Variants in TACC1 observed in about 807,000 individuals in gnomAD.
TACC1 encodes transforming acidic coiled-coil containing protein 1.
Under a neutral mutation model 84.4 loss-of-function variants are expected in TACC1, and 48 were observed. The observed-to-expected ratio is 0.57, with a 90% CI of 0.45 to 0.72. The LOEUF is 0.72. Among genes scored for constraint, TACC1 ranks in the 30% least tolerant of loss-of-function variants. The pLI is 0.00. For synonymous variants in TACC1, 372 were observed against 376.3 expected (o/e 0.99, Z 0.13); for missense variants, 920 against 973.0 (o/e 0.95, Z 0.72).
At chr8:38,742,777 C>T (rs1235549872) in intron 2 of TACC1, among the ~76,000 whole-genome samples, 4 of 152,282 alleles carry the variant, frequency 2.6e-5, no homozygotes, top group Non-Finnish European at 4.4e-5. Context: ...GGCAGTGGCA[C>T]GATCTCGGCT....
At chr8:38,765,054 ACAC>A (rs1811970970) in intron 3 of TACC1, among the ~76,000 whole-genome samples, 1 of 151,424 alleles carries the variant, frequency 6.6e-6, no homozygotes, top group Non-Finnish European at 1.5e-5. Context: ...AGCCGAGATC[ACAC>A]CACTACACTC....
At chr8:38,790,982 A>G (rs1818516281) in intron 2 of TACC1, among the ~76,000 whole-genome samples, 1 of 152,238 alleles carries the variant, frequency 6.6e-6, no homozygotes. Context: ...TTGGCAGATC[A>G]GAAGGGAGAT....
intron 3 of TACC1, among the ~76,000 whole-genome samples, chr8:38,771,781 G>A (rs1813668084): frequency 6.6e-6 from 1 of 152,060 alleles, no homozygotes; most frequent in Admixed American, 6.6e-5. Context: ...TGTTGCATGG[G>A]CTGTAGTACA....
rs981165781 is a variant in TACC1, at chr8:38,787,328, C to G, written c.-255C>G. ...GGAGGCCACAGGACGGGCGTCTTCC[C>G]GGCTAGTGGAGCCCGGCGCGGGGCC... On this transcript the variant is annotated 5_prime_UTR_variant, in exon 1 of 13. Transcript: ENST00000317827. The G allele has an allele frequency of 2.4e-6, 3 of 1,263,142 alleles. No individual in the cohort carries two copies. The East Asian group carries it at 1.1e-4, about 45-fold the overall frequency. 78.2% of individuals were successfully genotyped at this position (1,263,142 alleles called of 1,614,324 possible). A position where few individuals can be genotyped will look rare whatever the true frequency, so the allele number is the denominator to read the frequency against.
intron 3 of TACC1, among the ~76,000 whole-genome samples, chr8:38,823,068 C>T (rs1318689398): frequency 1.3e-5 from 2 of 152,182 alleles, no homozygotes; most frequent in Non-Finnish European, 2.9e-5. Flanking sequence ...AAATGCTTCT[C>T]AGCATTGCTA....
rs971122422 is a variant in TACC1 at position 38,850,416 on chromosome 8, G to A, written c.*2393G>A. The A allele has an allele frequency of 1.3e-5, 2 of 152,198 alleles. No individual in the cohort carries two copies. The highest frequency in any genetic ancestry group is 4.8e-5 in the African/African-American group (2 of 41,444). The allele number at this position is 152,198 out of a possible 1,614,324, so 9.4% of individuals were successfully genotyped here. On this transcript the variant is annotated 3_prime_UTR_variant, in exon 13 of 13. Coordinates refer to ENST00000317827, the MANE Select transcript of TACC1 (RefSeq NM_006283.3). ...ATAAAGGATTTTGGAACTCTGGAGA[G>A]TAAGAATATAGTATAGAGTTTGCCT...
intron 2 of TACC1, among the ~76,000 whole-genome samples, chr8:38,806,761 C>G (rs1206273417): frequency 5.3e-5 from 8 of 152,308 alleles, no homozygotes; most frequent in African/African-American, 1.7e-4. Flanking sequence ...TATACCAGTT[C>G]TCTGATTCTC....
chr8:38,837,884 T>G (rs1275044370), intron 7 of TACC1, among the ~76,000 whole-genome samples: 2 of 152,226 alleles, frequency 1.3e-5, no homozygotes, highest in Admixed American at 6.5e-5. Flanking sequence ...ATCCCAAATA[T>G]GAGCCTAGGT....
At chr8:38,764,330 A>G (rs28425558) in intron 3 of TACC1, among the ~76,000 whole-genome samples, 45,347 of 151,116 alleles carry the variant, frequency 0.3, 7,441 homozygotes, top group African/African-American at 0.41. Flanking sequence ...CACCCTCCTC[A>G]GCCTCCCAAA....
intron 5 of TACC1, 64 bp from the exon 6 acceptor site, chr8:38,831,061 C>CT: frequency 6.6e-7 from 1 of 1,518,308 alleles, no homozygotes; most frequent in Non-Finnish European, 9.1e-7. Flanking sequence ...TTCCAAGAGC[C>CT]TTTCACTAGG....
intron 1 of TACC1, among the ~76,000 whole-genome samples, chr8:38,739,214 T>C (rs1404728558): frequency 6.6e-6 from 1 of 152,222 alleles, no homozygotes; most frequent in East Asian, 1.9e-4. Flanking sequence ...TCTGTATCTA[T>C]ATTAAGCTAA....
At position 38,835,581 on chromosome 8, in the gene TACC1, C is replaced by T. The variant is rs112102220; in HGVS notation, c.1714-581C>T. ...GCTGGGTTACAGCAGGAGGTCGCTG[C>T]GGAGCAGCGGAAGTTCAGGATGATC... On this transcript the variant is annotated intron_variant, in intron 6 of 12. Transcript: ENST00000317827. Among the ~76,000 whole-genome samples, 362 of 152,322 alleles carry T rather than the reference C, an allele frequency of 2.4e-3. 6 individuals carry two copies. The highest frequency in any genetic ancestry group is 7.8e-3 in the African/African-American group (325 of 41,568).
chr8:38,815,666 G>A (rs71517736), intron 2 of TACC1, among the ~76,000 whole-genome samples: 5,473 of 152,184 alleles, frequency 0.036, 147 homozygotes, highest in Non-Finnish European at 0.05. Flanking sequence ...TGATCTGCCC[G>A]CCTCGGCCTC....
At chr8:38,803,344 T>C (rs544666090) in intron 2 of TACC1, among the ~76,000 whole-genome samples, 1 of 152,362 alleles carries the variant, frequency 6.6e-6, no homozygotes, top group African/African-American at 2.4e-5. Context: ...GTCTCGTTCT[T>C]GACCTTAGGG....
At chr8:38,741,938 A>T (rs1285189525) in intron 1 of TACC1, among the ~76,000 whole-genome samples, 1 of 152,232 alleles carries the variant, frequency 6.6e-6, no homozygotes, top group African/African-American at 2.4e-5. Context: ...CTGTCCCTGG[A>T]CCATTATATA....
chr8:38,753,902 T>TC (rs1809474312), intron 3 of TACC1, among the ~76,000 whole-genome samples: 2 of 136,470 alleles, frequency 1.5e-5, no homozygotes, highest in African/African-American at 5.5e-5. Flanking sequence ...TTCCTCTTTT[T>TC]CTTTTTCTTT....
chr8:38,795,249 G>A (rs928851884), intron 2 of TACC1, among the ~76,000 whole-genome samples: 4 of 152,202 alleles, frequency 2.6e-5, no homozygotes, highest in African/African-American at 9.7e-5. Context: ...GAGCAACAGT[G>A]TCTGAATAAA....
intron 3 of TACC1, 85 bp from the exon 4 acceptor site, chr8:38,825,223 A>G (rs1461257246): frequency 6.9e-6 from 10 of 1,441,004 alleles, no homozygotes; most frequent in Admixed American, 3.3e-5. Flanking sequence ...TTCTATCCGC[A>G]CACACTGCTG....
rs375822053 is a variant in TACC1, at chr8:38,851,158, G to A, written c.*3135G>A. The A allele has an allele frequency of 3.3e-4, 51 of 152,340 alleles. No homozygotes were observed. Among genetic ancestry groups the A allele is most frequent in the African/African-American group, 1.1e-3 (47 of 41,586 alleles). The allele number at this position is 152,340 out of a possible 1,614,324, so 9.4% of individuals were successfully genotyped here. On this transcript the variant is annotated 3_prime_UTR_variant, in exon 13 of 13. Transcript: ENST00000317827. ...TCAGCCCAAATTAGGAAGTGCAGAAGCACATGATGGTGAAAAACCTAGGAT... is the reference window on the plus strand; with the variant it reads ...TCAGCCCAAATTAGGAAGTGCAGAAACACATGATGGTGAAAAACCTAGGAT...
Sources: allele counts gnomAD v4.1 joint callset (sites outside exome capture counted in the v4.1 genomes callset), GRCh38; gene constraint gnomAD v4.1.1; transcripts MANE v1.5; gene names NCBI Gene and HGNC (gene_info 2026-07-23, HGNC 2026-07-21).